CCDC60: variants seen among roughly 807,000 people sequenced by gnomAD.
The protein encoded by CCDC60 is coiled-coil domain containing 60.
A neutral mutation model predicts 63.5 loss-of-function variants in CCDC60; 54 were observed. That is an observed-to-expected ratio of 0.85 (90% CI 0.68 to 1.07). CCDC60 has a LOEUF of 1.07. Among genes scored for constraint, CCDC60 ranks in the 50% least tolerant of loss-of-function variants. The pLI, the probability that CCDC60 is intolerant of heterozygous loss-of-function variation, is 0.00. For missense variants in CCDC60, 651 were observed against 684.3 expected (o/e 0.95, Z 0.54); for synonymous variants, 206 against 238.8 (o/e 0.86, Z 1.27).
At chr12:119,500,209 C>T (rs763543436) in intron 6 of CCDC60, 41 bp downstream of exon 6, 1 of 1,342,396 alleles carries the variant, frequency 7.4e-7, no homozygotes, top group South Asian at 1.2e-5. Flanking sequence ...GCTCCTAGGT[C>T]CCAGCTTGTG....
intron 1 of CCDC60, among the ~76,000 whole-genome samples, chr12:119,406,601 A>G (rs150687244): frequency 6.6e-6 from 1 of 152,316 alleles, no homozygotes; most frequent in East Asian, 1.9e-4. Flanking sequence ...TTTACAATGT[A>G]AGAGGAATAG....
rs137965573 is a variant in CCDC60 at position 119,516,680 on chromosome 12, A to C, written c.941A>C (p.Glu314Ala). The C allele has an allele frequency of 8.1e-4, 1,302 of 1,613,792 alleles. 12 individuals carry two copies. The African/African-American group carries it at 0.014, about 18-fold the overall frequency. ...GATGCCCGGAGGACAGTCACAATAG[A>C]AAATGGGATGCAAAGAAAAGCACCC... ...REDARRTVTI[E>A]NGMQRKAPSI... is the part of the protein sequence containing the mutation. Residue 314 changes from glutamate to alanine, a missense_variant, in exon 8 of 14, where the codon GAA becomes GCA. Coordinates refer to ENST00000327554, the MANE Select transcript of CCDC60 (RefSeq NM_178499.5).
intron 1 of CCDC60, among the ~76,000 whole-genome samples, chr12:119,396,411 G>A (rs1270661877): frequency 6.6e-6 from 1 of 152,180 alleles, no homozygotes; most frequent in East Asian, 1.9e-4. Context: ...AGAGGTGAGA[G>A]TGGCAGTGGG....
chr12:119,372,167 G>A (rs1278076575), intron 1 of CCDC60, among the ~76,000 whole-genome samples: 3 of 152,172 alleles, frequency 2.0e-5, no homozygotes, highest in Non-Finnish European at 4.4e-5. Flanking sequence ...GGCTGAGGCA[G>A]GAGAATTGCT....
chr12:119,540,565 T>C, intron 13 of CCDC60, 49 bp from the exon 14 acceptor site: 1 of 1,329,050 alleles, frequency 7.5e-7, no homozygotes. Flanking sequence ...GAAGGTGGAG[T>C]CTACTTTTCA....
chr12:119,385,248 C>G (rs1340388170), intron 1 of CCDC60, among the ~76,000 whole-genome samples: 1 of 152,208 alleles, frequency 6.6e-6, no homozygotes, highest in Non-Finnish European at 1.5e-5. Context: ...AATGACCTCC[C>G]TTGCTCTCCA....
rs1952594770 is a variant in CCDC60, at chr12:119,523,696, C to T, written c.1107C>T (p.Arg369=). The T allele has an allele frequency of 7.4e-6, 12 of 1,613,986 alleles. No individual in the cohort carries two copies. The highest frequency in any genetic ancestry group is 1.3e-5 in the African/African-American group (1 of 74,948). The change falls in exon 11 of 14, where the codon CGC becomes CGT. Residue 369 remains arginine, a synonymous_variant. Transcript: ENST00000327554. ...IQPVQKKSKN[R]TNCDINIHYK... The stretch of plus-strand genomic sequence containing the variant: ...CCCTTCTTATCTGTGTCCACAGCCG[C>T]ACTAATTGTGACATCAACATCCACT...
chr12:119,510,510 T>C (rs893184965), intron 7 of CCDC60, among the ~76,000 whole-genome samples: 2 of 152,198 alleles, frequency 1.3e-5, no homozygotes, highest in African/African-American at 4.8e-5. Flanking sequence ...TTTGCTTTTA[T>C]TGAATTATTA....
intron 1 of CCDC60, among the ~76,000 whole-genome samples, chr12:119,428,238 A>G (rs1373577460): frequency 6.6e-6 from 1 of 152,210 alleles, no homozygotes; most frequent in Non-Finnish European, 1.5e-5. Context: ...AAAACCACCA[A>G]TAATAATTAT....
intron 1 of CCDC60, among the ~76,000 whole-genome samples, chr12:119,356,652 C>T (rs1955722139): frequency 6.6e-6 from 1 of 152,152 alleles, no homozygotes; most frequent in Admixed American, 6.5e-5. Context: ...GCTCTTGGTC[C>T]ATTTTTCACT....
chr12:119,446,136 C>A (rs1307892562), intron 2 of CCDC60, among the ~76,000 whole-genome samples: 2 of 151,654 alleles, frequency 1.3e-5, no homozygotes, highest in African/African-American at 4.8e-5. Context: ...TTAAAGAAAC[C>A]AAATAGAGCA....
At chr12:119,441,648 C>T (rs1593092703) in intron 2 of CCDC60, among the ~76,000 whole-genome samples, 1 of 152,206 alleles carries the variant, frequency 6.6e-6, no homozygotes, top group Non-Finnish European at 1.5e-5. Context: ...ATTCAGTTAG[C>T]ACTCTTATTG....
intron 13 of CCDC60, among the ~76,000 whole-genome samples, chr12:119,532,927 A>T (rs1952897117): frequency 6.6e-6 from 1 of 152,186 alleles, no homozygotes; most frequent in African/African-American, 2.4e-5. Flanking sequence ...CTTTGGGTAT[A>T]CATCCAGTAA....
intron 9 of CCDC60, 26 bp downstream of exon 9, chr12:119,520,218 G>C (rs772580994): frequency 5.0e-6 from 8 of 1,607,056 alleles, no homozygotes; most frequent in African/African-American, 2.7e-5. Flanking sequence ...GCCTGCAGCA[G>C]GTGCCTCCGA....
intron 5 of CCDC60, among the ~76,000 whole-genome samples, chr12:119,494,446 CTTA>C (rs1951670681): frequency 6.6e-6 from 1 of 152,210 alleles, no homozygotes; most frequent in Admixed American, 6.5e-5. Flanking sequence ...TTGTCTACGT[CTTA>C]TTGCTTCAGG....
At chr12:119,449,655 G>A (rs57372762) in intron 2 of CCDC60, among the ~76,000 whole-genome samples, 2,752 of 152,278 alleles carry the variant, frequency 0.018, 87 homozygotes, top group African/African-American at 0.062. Context: ...CACTGTGCCA[G>A]GTTCTGAGGA....
intron 2 of CCDC60, chr12:119,433,577 G>C: frequency 1.4e-6 from 1 of 702,334 alleles, no homozygotes; most frequent in Non-Finnish European, 2.6e-6. Context: ...ATCTCTCCAA[G>C]TGGCACAAAC....
At chr12:119,462,862 C>T (rs1463816500) in intron 2 of CCDC60, among the ~76,000 whole-genome samples, 1 of 151,846 alleles carries the variant, frequency 6.6e-6, no homozygotes, top group East Asian at 1.9e-4. Flanking sequence ...CTTGCTCTCT[C>T]GCCCAGGCTG....
rs1174331165 is a variant in CCDC60, at chr12:119,455,974, G to A, written c.171-16020G>A. Among the ~76,000 whole-genome samples, 3 of 122,034 alleles carry A rather than the reference G, an allele frequency of 2.5e-5. 1 individual carries two copies. The highest frequency in any genetic ancestry group is 8.7e-5 in the Admixed American group (1 of 11,508). The allele number at this position is 122,034 out of a possible 152,430, so 80.1% of individuals were successfully genotyped here. The stretch of plus-strand genomic sequence containing the variant: ...GGAAGGAAGGAGGGAGGGGAGGGAG[G>A]GAGGGAGAGAGAAAGAGAGAGAGAA... On this transcript the variant is annotated intron_variant, in intron 2 of 13. Coordinates refer to ENST00000327554, the MANE Select transcript of CCDC60 (RefSeq NM_178499.5).
Sources: gnomAD v4.1 joint callset for allele counts (sites outside exome capture counted in the v4.1 genomes callset) on GRCh38, gnomAD v4.1.1 for gene constraint, MANE v1.5 for transcripts, NCBI Gene and HGNC (gene_info 2026-07-23, HGNC 2026-07-21) for gene names.